The following TENM2 variants were observed in gnomAD, a reference collection of about 807,000 sequenced individuals.
TENM2 encodes teneurin transmembrane protein 2.
A neutral mutation model predicts 245.2 loss-of-function variants in TENM2; 52 were observed. The observed-to-expected ratio is 0.21, with a 90% CI of 0.17 to 0.27. TENM2 has a LOEUF of 0.27. TENM2 is among the 10% of genes least tolerant of loss of function. TENM2 has a pLI of 1.00. For synonymous variants in TENM2, 1,363 were observed against 1,438.9 expected, an observed-to-expected ratio of 0.95 and a Z score of 1.19; for missense variants, 3,046 against 3,666.8, an observed-to-expected ratio of 0.83 and a Z score of 4.37.
chr5:167,284,052 C>T (rs1023316536), upstream of TENM2, among the ~76,000 whole-genome samples: 8 of 152,030 alleles, frequency 5.3e-5, no homozygotes, highest in Non-Finnish European at 8.8e-5. Flanking sequence ...ACCAGTAAGA[C>T]TGCCTGTCAG....
At chr5:167,930,045 C>T (rs1046543472) in intron 3 of TENM2, among the ~76,000 whole-genome samples, 5 of 152,154 alleles carry the variant, frequency 3.3e-5, no homozygotes, top group African/African-American at 1.2e-4. Context: ...CAAGCGGAAC[C>T]CATATTAATG....
chr5:168,120,700 G>A (rs966929146), intron 10 of TENM2, among the ~76,000 whole-genome samples: 1 of 152,196 alleles, frequency 6.6e-6, no homozygotes, highest in Non-Finnish European at 1.5e-5. Context: ...ATGAACCGAG[G>A]TGATTCATAT....
intron 2 of TENM2, among the ~76,000 whole-genome samples, chr5:167,764,761 G>A (rs771218783): frequency 2.0e-5 from 3 of 152,126 alleles, no homozygotes; most frequent in Non-Finnish European, 2.9e-5. Context: ...GAATGAATGT[G>A]CCTTCCCTAC....
At chr5:167,323,926 A>C (rs2127776513) in intron 1 of TENM2, among the ~76,000 whole-genome samples, 1 of 152,286 alleles carries the variant, frequency 6.6e-6, no homozygotes, top group South Asian at 2.1e-4. Context: ...GGGCATAACG[A>C]TCTGGGTCTT....
chr5:167,648,216 C>G (rs1238037293), intron 2 of TENM2, among the ~76,000 whole-genome samples: 1 of 152,204 alleles, frequency 6.6e-6, no homozygotes, highest in East Asian at 1.9e-4. Flanking sequence ...TTATGCCCAG[C>G]ACCTGGCTTA....
chr5:167,825,117 T>C (rs1767852989), intron 2 of TENM2, among the ~76,000 whole-genome samples: 1 of 152,198 alleles, frequency 6.6e-6, no homozygotes, highest in Non-Finnish European at 1.5e-5. Context: ...TGGATTTATA[T>C]TTTTACATAT....
chr5:168,124,611 G>A (rs887792799), intron 10 of TENM2, among the ~76,000 whole-genome samples: 6 of 152,060 alleles, frequency 3.9e-5, no homozygotes, highest in East Asian at 1.9e-4. Flanking sequence ...TCCCCTTTTC[G>A]TTTCTCTTGT....
intron 2 of TENM2, among the ~76,000 whole-genome samples, chr5:167,521,295 A>G (rs1455060903): frequency 6.6e-6 from 1 of 152,144 alleles, no homozygotes; most frequent in Non-Finnish European, 1.5e-5. Context: ...TCACTACTCA[A>G]ATATTCACAT....
intron 3 of TENM2, among the ~76,000 whole-genome samples, chr5:167,889,791 G>A (rs1774599618): frequency 6.6e-6 from 1 of 152,130 alleles, no homozygotes; most frequent in African/African-American, 2.4e-5. Flanking sequence ...TAGGATGCTG[G>A]GTTTCTGATT....
the TENM2 span, among the ~76,000 whole-genome samples, chr5:167,097,695 A>G: frequency 6.6e-6 from 1 of 152,344 alleles, no homozygotes; most frequent in South Asian, 2.1e-4. Flanking sequence ...ACTCCAAAGT[A>G]GAGAAAAATT....
intron 2 of TENM2, among the ~76,000 whole-genome samples, chr5:167,537,477 G>A (rs1044893677): frequency 6.6e-6 from 1 of 152,272 alleles, no homozygotes; most frequent in Middle Eastern, 3.4e-3. Flanking sequence ...TTATCACTTG[G>A]TATAAAAGGA....
At chr5:167,519,785 A>G (rs866955668) in intron 2 of TENM2, among the ~76,000 whole-genome samples, 1 of 152,150 alleles carries the variant, frequency 6.6e-6, no homozygotes, top group Non-Finnish European at 1.5e-5. Flanking sequence ...TCACAATCAA[A>G]TTGTGATTGT....
the TENM2 span, among the ~76,000 whole-genome samples, chr5:167,241,399 G>A: frequency 3.3e-5 from 5 of 152,190 alleles, no homozygotes; most frequent in Non-Finnish European, 7.3e-5. Context: ...GAAAGATGGA[G>A]TCAAAATGAA....
At chr5:167,205,459 C>G in the TENM2 span, among the ~76,000 whole-genome samples, 1 of 152,150 alleles carries the variant, frequency 6.6e-6, no homozygotes, top group Non-Finnish European at 1.5e-5. Context: ...GTTCTAACTT[C>G]TATGTCCACG....
At chr5:167,727,921 A>C (rs2150545038) in intron 2 of TENM2, among the ~76,000 whole-genome samples, 1 of 152,064 alleles carries the variant, frequency 6.6e-6, no homozygotes, top group Admixed American at 6.5e-5. Context: ...TATTACCATT[A>C]TTTTTCTGGT....
chr5:167,074,974 A>T, the TENM2 span, among the ~76,000 whole-genome samples: 1 of 152,138 alleles, frequency 6.6e-6, no homozygotes, highest in African/African-American at 2.4e-5. Context: ...CTTTCCTGGA[A>T]GCATCCCCTG....
chr5:166,988,595 A>G, the TENM2 span, among the ~76,000 whole-genome samples: 31 of 152,332 alleles, frequency 2.0e-4, no homozygotes, highest in South Asian at 1.2e-3. Flanking sequence ...TCTCTTGTTA[A>G]GGTAAAGACT....
At chr5:168,056,902 A>G (rs1283072870) in intron 6 of TENM2, among the ~76,000 whole-genome samples, 1 of 152,172 alleles carries the variant, frequency 6.6e-6, no homozygotes, top group Non-Finnish European at 1.5e-5. Context: ...ACCTAGGAGC[A>G]ATAGGGTATA....
intron 2 of TENM2, among the ~76,000 whole-genome samples, chr5:167,526,309 G>T (rs993541012): frequency 2.0e-5 from 3 of 151,200 alleles, no homozygotes; most frequent in African/African-American, 7.3e-5. Flanking sequence ...TGAATGCATA[G>T]AGTCAGCTAC....
Sources: allele counts gnomAD v4.1 joint callset (sites outside exome capture counted in the v4.1 genomes callset), GRCh38; gene constraint gnomAD v4.1.1; transcripts MANE v1.5; gene names NCBI Gene and HGNC (gene_info 2026-07-23, HGNC 2026-07-21).